The following NCKAP5 variants were observed in gnomAD, a reference collection of about 807,000 sequenced individuals.
The protein encoded by NCKAP5 is NCK associated protein 5, also known as nck-associated protein 5.
In NCKAP5, 92 loss-of-function variants were observed where a neutral mutation model predicts 167.0. The observed-to-expected ratio is 0.55, with a 90% CI of 0.47 to 0.66. NCKAP5 has a LOEUF of 0.66. Among genes scored for constraint, NCKAP5 ranks in the 30% least tolerant of loss-of-function variants. The pLI is 0.00. For synonymous variants in NCKAP5, 891 were observed against 877.4 expected (o/e 1.02, Z -0.27); for missense variants, 2,378 against 2,315.0 (o/e 1.03, Z -0.56).
intron 5 of NCKAP5, among the ~76,000 whole-genome samples, chr2:133,142,691 C>T (rs1315291949): frequency 1.3e-5 from 2 of 152,098 alleles, no homozygotes; most frequent in African/African-American, 4.8e-5. Flanking sequence ...AGTTTGCAGA[C>T]CTGGAAGGGT....
intron 16 of NCKAP5, among the ~76,000 whole-genome samples, chr2:132,761,169 C>T (rs1251329931): frequency 6.6e-6 from 1 of 152,162 alleles, no homozygotes; most frequent in Non-Finnish European, 1.5e-5. Flanking sequence ...CAGCTTTATG[C>T]CGGGGAGGGG....
chr2:133,066,048 C>T (rs970974309), intron 6 of NCKAP5, among the ~76,000 whole-genome samples: 3 of 152,152 alleles, frequency 2.0e-5, no homozygotes, highest in African/African-American at 7.2e-5. Flanking sequence ...TGTGCATATA[C>T]TTGTGTATAC....
intron 6 of NCKAP5, among the ~76,000 whole-genome samples, chr2:133,085,202 C>T (rs181585036): frequency 3.3e-5 from 5 of 152,156 alleles, no homozygotes; most frequent in Admixed American, 2.0e-4. Context: ...TCAGAGGAAG[C>T]AATGGCTAAA....
the NCKAP5 span, among the ~76,000 whole-genome samples, chr2:133,617,609 CCT>C: frequency 6.9e-6 from 1 of 144,546 alleles, no homozygotes; most frequent in Non-Finnish European, 1.5e-5. Context: ...ATGTGAAGGA[CCT>C]CTTCAAGGAG....
chr2:133,640,732 C>T, the NCKAP5 span, among the ~76,000 whole-genome samples: 3 of 151,998 alleles, frequency 2.0e-5, no homozygotes, highest in Non-Finnish European at 4.4e-5. Context: ...AAATATTTGC[C>T]CTGTGAATGA....
Position 132,781,227 on chromosome 2 carries a change from A to G in NCKAP5, c.4874T>C (p.Val1625Ala). ...TGTCTGTGGAGCTGCTTTCTTATCA[A>G]CTCTGCAGGTAGAAAGTGATTCCTC... is the stretch of plus-strand genomic sequence containing the variant. The part of the protein sequence containing the change: ...DTFMTELLNR[V>A]DKKAAPQTES... Residue 1625 changes from valine (V) to alanine (A), a missense_variant and splice_region_variant, in exon 15 of 20, where the codon GTT becomes GCT. By Grantham distance (64) the Val-to-Ala change is moderately conservative. This residue lies in a region of NCKAP5 where 1,325 missense variants were observed against 1,274.5 expected (regional missense o/e 1.04). Transcript: ENST00000409261. The G allele has an allele frequency of 6.2e-7, 1 of 1,612,486 alleles. No individual in the cohort carries two copies. Among genetic ancestry groups the G allele is most frequent in the Non-Finnish European group, 8.5e-7 (1 of 1,179,346 alleles).
chr2:133,479,177 A>G (rs948762431), intron 3 of NCKAP5, among the ~76,000 whole-genome samples: 1 of 152,204 alleles, frequency 6.6e-6, no homozygotes, highest in East Asian at 1.9e-4. Flanking sequence ...ACTCTGGACC[A>G]AGTTTTTGGG....
chr2:132,947,009 A>T (rs925932201), intron 8 of NCKAP5, among the ~76,000 whole-genome samples: 8 of 152,204 alleles, frequency 5.3e-5, no homozygotes, highest in African/African-American at 1.9e-4. Flanking sequence ...GTGTTTCTTA[A>T]ACATACATAT....
At chr2:133,551,905 AC>A (rs1199787292) in intron 2 of NCKAP5, among the ~76,000 whole-genome samples, 1 of 137,646 alleles carries the variant, frequency 7.3e-6, no homozygotes, top group Non-Finnish European at 1.5e-5. Context: ...CAAGAAAAAA[AC>A]AAACAACCCC....
intron 3 of NCKAP5, among the ~76,000 whole-genome samples, chr2:133,516,957 G>A (rs943678283): frequency 1.3e-5 from 2 of 152,156 alleles, no homozygotes; most frequent in Admixed American, 1.3e-4. Context: ...ACCCAACCAG[G>A]TTGTTAAGAA....
At chr2:133,511,719 T>A (rs1425513151) in intron 3 of NCKAP5, among the ~76,000 whole-genome samples, 2 of 152,110 alleles carry the variant, frequency 1.3e-5, no homozygotes, top group Non-Finnish European at 2.9e-5. Flanking sequence ...GACACAGAAA[T>A]AATAGACAAG....
At chr2:133,334,267 G>T (rs1016072552) in intron 3 of NCKAP5, among the ~76,000 whole-genome samples, 3 of 152,048 alleles carry the variant, frequency 2.0e-5, no homozygotes, top group Non-Finnish European at 2.9e-5. Context: ...CTTTTCAGAG[G>T]ATCACGTGAA....
chr2:132,732,225 A>G (rs1330320351), intron 16 of NCKAP5, among the ~76,000 whole-genome samples, 174 bp from the exon 17 acceptor site: 2 of 146,894 alleles, frequency 1.4e-5, no homozygotes, highest in Non-Finnish European at 3.0e-5. Context: ...TCTCACTCAT[A>G]GGTGGGAATT....
At chr2:133,668,089 C>T in the NCKAP5 span, among the ~76,000 whole-genome samples, 8 of 151,978 alleles carry the variant, frequency 5.3e-5, no homozygotes, top group Non-Finnish European at 1.2e-4. Context: ...AAGGTTCATT[C>T]ATGTGGTATA....
intron 3 of NCKAP5, among the ~76,000 whole-genome samples, chr2:133,349,986 C>A (rs2150810662): frequency 6.6e-6 from 1 of 152,340 alleles, no homozygotes. Flanking sequence ...GTGTACCTTT[C>A]ACATAGCTTT....
intron 11 of NCKAP5, among the ~76,000 whole-genome samples, chr2:132,829,904 C>T (rs1207942804): frequency 2.6e-5 from 4 of 152,130 alleles, no homozygotes; most frequent in African/African-American, 9.7e-5. Context: ...TTGTTTGTGG[C>T]TGTTGAAATA....
At position 133,290,858 on chromosome 2, in the gene NCKAP5, A is replaced by C. The variant is rs192437602; in HGVS notation, c.143+12179T>G. ...AGCCTCAGAGTCCTGGACTCAAACC[A>C]TACTCCCACCTCAGCCTCCTGAGTA... is the stretch of plus-strand genomic sequence containing the variant. On this transcript the variant is annotated intron_variant, in intron 4 of 19. Transcript: ENST00000409261. Among the ~76,000 whole-genome samples the C allele has an allele frequency of 9.7e-3, 1,462 of 150,542 alleles. 17 individuals carry two copies. Among genetic ancestry groups the C allele is most frequent in the Non-Finnish European group, 0.015 (1,045 of 67,826 alleles).
At chr2:133,517,615 A>C in intron 2 of NCKAP5, 28 bp from the exon 3 acceptor site, 1 of 800,638 alleles carries the variant, frequency 1.2e-6, no homozygotes, top group Non-Finnish European at 1.9e-6. Context: ...GTGTTTTACT[A>C]TCCAAGTACA....
chr2:133,401,240 G>C (rs903566493), intron 3 of NCKAP5, among the ~76,000 whole-genome samples: 2 of 152,208 alleles, frequency 1.3e-5, no homozygotes, highest in Admixed American at 1.3e-4. Context: ...CCTCCGGAGA[G>C]AGCATAGAAA....
Sources: allele counts gnomAD v4.1 joint callset (sites outside exome capture counted in the v4.1 genomes callset), GRCh38; gene constraint gnomAD v4.1.1; regional missense constraint gnomAD v4.1.1; transcripts MANE v1.5; gene names NCBI Gene and HGNC (gene_info 2026-07-23, HGNC 2026-07-21).